The following KCTD10 variants were observed in gnomAD, a reference collection of about 807,000 sequenced individuals.
The protein encoded by KCTD10 is BTB/POZ domain-containing adapter for CUL3-mediated RhoA degradation protein 3.
KCTD10 carries 13 observed loss-of-function variants against 34.6 expected under a neutral mutation model. The observed-to-expected ratio is 0.38, with a 90% CI of 0.24 to 0.60. The LOEUF is 0.60. Among genes scored for constraint, KCTD10 ranks in the 20% least tolerant of loss-of-function variants. The probability of loss-of-function intolerance (pLI) is 0.66; values close to 1 mark genes in which losing one functional copy is unlikely to be tolerated. For synonymous variants in KCTD10, 156 were observed against 168.8 expected, an observed-to-expected ratio of 0.92 and a Z score of 0.59; for missense variants, 256 against 420.3, an observed-to-expected ratio of 0.61 and a Z score of 3.42.
intron 2 of KCTD10, 96 bp downstream of exon 2, chr12:109,469,419 A>T: frequency 1.4e-6 from 2 of 1,451,110 alleles, no homozygotes; most frequent in South Asian, 1.3e-5. Flanking sequence ...CCTCCTACAC[A>T]TCTTCAGGTC....
intron 1 of KCTD10, 109 bp downstream of exon 1, chr12:109,477,151 T>C: frequency 7.9e-7 from 1 of 1,259,786 alleles, no homozygotes; most frequent in Non-Finnish European, 1.1e-6. Context: ...TCCACTATCG[T>C]GACTGCCCCT....
chr12:109,469,189 G>A (rs1566058162), intron 2 of KCTD10: 1 of 306,118 alleles, frequency 3.3e-6, no homozygotes, highest in Non-Finnish European at 6.2e-6. Flanking sequence ...GGGGAGCTGA[G>A]ACTGAAACCC....
At chr12:109,469,974 C>G (rs1368069876) in intron 1 of KCTD10, 3 of 1,220,786 alleles carry the variant, frequency 2.5e-6, no homozygotes, top group Admixed American at 6.5e-5. Context: ...ATTGGATGAC[C>G]CCTAGAGAGG....
intron 2 of KCTD10, chr12:109,468,973 A>G (rs1295256137): frequency 6.6e-6 from 1 of 152,334 alleles, no homozygotes; most frequent in Non-Finnish European, 1.5e-5. Flanking sequence ...TTTTAATAAC[A>G]TGACTTTCCA....
Position 109,451,855 on chromosome 12 carries a change from C to A in KCTD10, c.724-42G>T. 6.5e-7 allele frequency: 1 copy of A among 1,534,618 alleles called. No homozygotes were observed. ...TACAGGGCAGGTAAGTTATGGCCCA[C>A]CCCCTCTGCCAACACCTGGACTTTA... On this transcript the variant is annotated intron_variant, in intron 6 of 6. Transcript: ENST00000228495. This position sits in a 1 kb window ranked among gnomAD's most constrained non-coding sequence, Gnocchi z 5.0.
rs901156803 is a variant in KCTD10, at chr12:109,457,905, T to C, written c.474+87A>G. On this transcript the variant is annotated intron_variant, in intron 4 of 6. Transcript: ENST00000228495. ...TTATCAGGCCTCACTCAGGCAATTA[T>C]ACATGTTTTTATTTCAAAAGTTATT... The C allele has an allele frequency of 5.0e-6, 6 of 1,210,758 alleles. No homozygotes were observed. In the African/African-American group the frequency reaches 7.5e-5, roughly 15 times the overall value. 75.0% of individuals were successfully genotyped at this position (1,210,758 alleles called of 1,614,324 possible). A position where few individuals can be genotyped will look rare whatever the true frequency, so the allele number is the denominator to read the frequency against.
In KCTD10 at chr12:109,451,362, C is replaced by T. The variant is rs1262603973; in HGVS notation, c.*233G>A. 2.1e-6 allele frequency: 1 copy of T among 486,488 alleles called. No homozygotes were observed. 30.1% of individuals were successfully genotyped at this position (486,488 alleles called of 1,614,324 possible). ...CTGGCTCCAAAGAGTCTCAGATTCT[C>T]ATGAAAAGTAGAGATCTTAGACACA... is the stretch of plus-strand genomic sequence containing the variant. On this transcript the variant is annotated 3_prime_UTR_variant, in exon 7 of 7. Coordinates refer to ENST00000228495, the MANE Select transcript of KCTD10 (RefSeq NM_031954.5). The surrounding 1 kb of genome is among the most constrained non-coding windows in gnomAD (Gnocchi z 5.0).
intron 1 of KCTD10, 23 bp from the exon 2 acceptor site, chr12:109,469,751 G>A: frequency 6.2e-7 from 1 of 1,613,154 alleles, no homozygotes. Flanking sequence ...AGGATACAGG[G>A]TCATGACATC....
At chr12:109,456,367 T>C in intron 5 of KCTD10, 54 bp from the exon 6 acceptor site, 1 of 1,543,572 alleles carries the variant, frequency 6.5e-7, no homozygotes, top group Non-Finnish European at 8.9e-7. Context: ...CTGCCATCAT[T>C]TGCTGGGCCC....
intron 6 of KCTD10, among the ~76,000 whole-genome samples, chr12:109,455,825 C>T (rs1367766794): frequency 6.6e-6 from 1 of 152,104 alleles, no homozygotes; most frequent in Non-Finnish European, 1.5e-5. Flanking sequence ...ATAGGTCAAG[C>T]CTACTGGTTT....
chr12:109,469,834 C>T lies in KCTD10; in HGVS notation c.4-106G>A, dbSNP rs1873798021. On this transcript the variant is annotated intron_variant, in intron 1 of 6. Coordinates refer to ENST00000228495, the MANE Select transcript of KCTD10 (RefSeq NM_031954.5). ...ATGTGTTTTGCTTGGGCCACGCATA[C>T]ACAGCATTTAAAAGTTTGCTTCCAA... 27 of 1,499,026 alleles carry T rather than the reference C, an allele frequency of 1.8e-5. No individual in the cohort carries two copies. In the South Asian group the frequency reaches 3.2e-4, roughly 18 times the overall value. The allele number at this position is 1,499,026 out of a possible 1,614,324, so 92.9% of individuals were successfully genotyped here. A position where few individuals can be genotyped will look rare whatever the true frequency, so the allele number is the denominator to read the frequency against.
chr12:109,471,363 T>TGCCATGTCAGG, intron 1 of KCTD10: 1 of 985,418 alleles, frequency 1.0e-6, no homozygotes, highest in Non-Finnish European at 1.2e-6. Context: ...GGATATCACC[T>TGCCATGTCAGG]GCCATGTCAG....
chr12:109,453,777 G>A (rs1872894064), intron 6 of KCTD10, among the ~76,000 whole-genome samples: 1 of 152,208 alleles, frequency 6.6e-6, no homozygotes, highest in African/African-American at 2.4e-5. Flanking sequence ...GAACTGCGGA[G>A]AAGAGGAGCT....
rs1287570122 is a variant in KCTD10 at position 109,449,868 on chromosome 12, CCT to C, written c.*1725_*1726del. ...AATATTTACGAAACATTTTGTAAGC[CCT>C]CTTTCCTTAGCACTTAATAAAATCC... On this transcript the variant is annotated 3_prime_UTR_variant, in exon 7 of 7. Coordinates refer to ENST00000228495, the MANE Select transcript of KCTD10 (RefSeq NM_031954.5). 1.4e-5 allele frequency: 2 copies of C among 146,252 alleles called. No homozygotes were observed. Among genetic ancestry groups the C allele is most frequent in the African/African-American group, 5.4e-5 (2 of 36,700 alleles). The allele number at this position is 146,252 out of a possible 1,614,324, so 9.1% of individuals were successfully genotyped here.
intron 2 of KCTD10, among the ~76,000 whole-genome samples, chr12:109,465,123 C>T (rs769175898): frequency 1.3e-5 from 2 of 152,170 alleles, no homozygotes; most frequent in Non-Finnish European, 2.9e-5. Flanking sequence ...ACGGGGAAAG[C>T]GTTCAAGGAT....
intron 2 of KCTD10, among the ~76,000 whole-genome samples, chr12:109,466,299 T>C (rs904061036): frequency 2.0e-5 from 3 of 152,136 alleles, no homozygotes; most frequent in African/African-American, 7.2e-5. Context: ...AAAGCCATAA[T>C]TGACAGTTCC....
chr12:109,477,225 C>T (rs199651712), intron 1 of KCTD10, 35 bp downstream of exon 1: 1 of 1,613,038 alleles, frequency 6.2e-7, no homozygotes, highest in Non-Finnish European at 8.5e-7. Flanking sequence ...CTCGGCCGCC[C>T]TCAACCCCTA....
rs756945408 is a variant in KCTD10, at chr12:109,460,855, G to A, written c.218-50C>T. The A allele has an allele frequency of 5.7e-6, 9 of 1,576,250 alleles. No homozygotes were observed. Among genetic ancestry groups the A allele is most frequent in the Non-Finnish European group, 7.8e-6 (9 of 1,150,110 alleles). On this transcript the variant is annotated intron_variant, in intron 2 of 6. Transcript: ENST00000228495. The surrounding 1 kb of genome is among the most constrained non-coding windows in gnomAD (Gnocchi z 4.5). ...GGTTACATGGGCCCTCCTCTTGTGG[G>A]AGGCCCTGAGCAGAGCTGGGGTGTC...
chr12:109,456,171 C>T lies in KCTD10; in HGVS notation c.670G>A (p.Ala224Thr), dbSNP rs1432434717. ...WSFYGQGRKIAEVCCTSIVYA... is the reference protein window; with the variant it reads ...WSFYGQGRKITEVCCTSIVYA... ...ACGATGGAGGTACAACAGACTTCAG[C>T]AATCTTCCGGCCCTGACCATAAAAG... The change falls in exon 6 of 7, where the codon GCT (alanine) becomes ACT (threonine). Residue 224 changes from alanine (A) to threonine (T), a missense_variant. By Grantham distance (58) the Ala-to-Thr change is moderately conservative. Coordinates refer to ENST00000228495, the MANE Select transcript of KCTD10 (RefSeq NM_031954.5). The T allele has an allele frequency of 6.2e-7, 1 of 1,614,072 alleles. No individual in the cohort carries two copies. Among genetic ancestry groups the T allele is most frequent in the Non-Finnish European group, 8.5e-7 (1 of 1,180,038 alleles).
Sources: gnomAD v4.1 joint callset for allele counts (sites outside exome capture counted in the v4.1 genomes callset) on GRCh38, gnomAD v4.1.1 for gene constraint, Gnocchi (gnomAD v3.1) non-coding constraint, MANE v1.5 for transcripts, NCBI Gene and HGNC (gene_info 2026-07-23, HGNC 2026-07-21) for gene names.